The following RWDD4 variants were observed in gnomAD, a reference collection of about 807,000 sequenced individuals.
The protein encoded by RWDD4 is RWD domain containing 4.
RWDD4 carries 16 observed loss-of-function variants against 30.0 expected under a neutral mutation model. The ratio of observed to expected loss-of-function variants is 0.53; its 90% CI spans 0.36 to 0.81. RWDD4 has a LOEUF of 0.81. Ranked by LOEUF, RWDD4 falls within the 30% of genes least tolerant of loss-of-function variation. RWDD4 has a pLI of 0.00. For missense variants in RWDD4, 170 were observed against 223.9 expected, an observed-to-expected ratio of 0.76 and a Z score of 1.54; for synonymous variants, 45 against 72.1, an observed-to-expected ratio of 0.62 and a Z score of 1.90.
At chr4:183,658,894 C>T (rs1272443641) in intron 1 of RWDD4, 35 bp downstream of exon 1, 5 of 1,243,800 alleles carry the variant, frequency 4.0e-6, no homozygotes, top group Non-Finnish European at 5.0e-6. Context: ...GCGCCGCGCC[C>T]GCGCTGGGAG....
chr4:183,646,179 C>G (rs549845150), intron 7 of RWDD4, among the ~76,000 whole-genome samples, 172 bp downstream of exon 7: 21 of 152,134 alleles, frequency 1.4e-4, no homozygotes, highest in Non-Finnish European at 3.1e-4. Context: ...GCTGGGATTA[C>G]AGGTGTGAGC....
intron 3 of RWDD4, 42 bp from the exon 4 acceptor site, chr4:183,651,173 A>G (rs1561012168): frequency 6.2e-7 from 1 of 1,606,820 alleles, no homozygotes; most frequent in Non-Finnish European, 8.5e-7. Flanking sequence ...AGAAAAGTAT[A>G]ACAGAGAGTG....
intron 7 of RWDD4, among the ~76,000 whole-genome samples, chr4:183,643,074 A>ATAAG (rs1256740839): frequency 0.011 from 1,398 of 126,156 alleles, 40 homozygotes; most frequent in African/African-American, 0.041. Flanking sequence ...AAATAAATAA[A>ATAAG]TAAATAAATA....
In RWDD4 at chr4:183,659,139, G is replaced by A. The variant is rs536622592; in HGVS notation, c.-187C>T. On this transcript the variant is annotated 5_prime_UTR_variant, in exon 1 of 8. Transcript: ENST00000326397. ...CGGCAGCGCCCAGCCGCCGGCAGTG[G>A]GCTGTGGGCTACGAGCCGGAGCCGC... The A allele has an allele frequency of 1.7e-5, 7 of 422,684 alleles. No homozygotes were observed. The East Asian group carries it at 1.8e-4, about 11-fold the overall frequency. 26.2% of individuals were successfully genotyped at this position (422,684 alleles called of 1,614,324 possible). A position where few individuals can be genotyped will look rare whatever the true frequency, so the allele number is the denominator to read the frequency against.
chr4:183,658,275 C>T (rs1182124396), intron 1 of RWDD4, among the ~76,000 whole-genome samples: 1 of 152,174 alleles, frequency 6.6e-6, no homozygotes, highest in Non-Finnish European at 1.5e-5. Context: ...TGCAGCCCTG[C>T]GGCTATCATC....
At chr4:183,658,299 A>G (rs1007924779) in intron 1 of RWDD4, among the ~76,000 whole-genome samples, 1 of 152,146 alleles carries the variant, frequency 6.6e-6, no homozygotes, top group Admixed American at 6.5e-5. Flanking sequence ...CCACCTATCA[A>G]AGTTAGAAGG....
intron 2 of RWDD4, 148 bp downstream of exon 2, chr4:183,655,733 G>T: frequency 1.9e-6 from 1 of 516,776 alleles, no homozygotes; most frequent in East Asian, 2.8e-5. Context: ...AAAAATGACT[G>T]ATGTTAGGGT....
intron 4 of RWDD4, 150 bp downstream of exon 4, chr4:183,650,834 A>G: frequency 1.5e-6 from 1 of 655,992 alleles, no homozygotes; most frequent in East Asian, 2.9e-5. Context: ...AAGAAATCTG[A>G]AATCCATTGT....
In RWDD4 at chr4:183,651,023, T is replaced by C; in HGVS notation, c.324A>G (p.Lys108=). ...YTLFEYAKDN[K]EQFMENHNPI... ...GATTGTGATTCTCCATGAACTGCTC[T>C]TTATTGTCTTTGGCATATTCAAACA... The change falls in exon 4 of 8, where the codon AAA becomes AAG. Residue 108 remains lysine (K), a synonymous_variant. Transcript: ENST00000326397. The C allele has an allele frequency of 6.2e-7, 1 of 1,612,908 alleles. No individual in the cohort carries two copies. The highest frequency in any genetic ancestry group is 8.5e-7 in the Non-Finnish European group (1 of 1,179,976).
At chr4:183,652,500 G>A (rs1389547483) in intron 2 of RWDD4, among the ~76,000 whole-genome samples, 2 of 119,556 alleles carry the variant, frequency 1.7e-5, no homozygotes, top group East Asian at 4.4e-4. Context: ...TGTGGCAAAA[G>A]TAAAAAAAAA....
chr4:183,655,722 T>C (rs1734180396), intron 2 of RWDD4, among the ~76,000 whole-genome samples, 159 bp downstream of exon 2: 1 of 152,260 alleles, frequency 6.6e-6, no homozygotes, highest in African/African-American at 2.4e-5. Context: ...TTTCAAACGT[T>C]AAAAATGACT....
rs1254824545 is a variant in RWDD4 at position 183,653,104 on chromosome 4, T to TA, written c.106-1778dup. Among the ~76,000 whole-genome samples the TA allele has an allele frequency of 1.1e-4, 17 of 152,266 alleles. 1 individual carries two copies. The East Asian group carries it at 3.1e-3, about 28-fold the overall frequency. On this transcript the variant is annotated intron_variant, in intron 2 of 7. Coordinates refer to ENST00000326397, the MANE Select transcript of RWDD4 (RefSeq NM_152682.4). ...TCCCCAGATCTGAACTGATTCAAAT[T>TA]AAACATTTTTGGTAAGAAAACTACA...
Position 183,659,152 on chromosome 4 carries a change from G to A in RWDD4, c.-200C>T, listed in dbSNP as rs937104778. On this transcript the variant is annotated 5_prime_UTR_variant, in exon 1 of 8. Coordinates refer to ENST00000326397, the MANE Select transcript of RWDD4 (RefSeq NM_152682.4). ...CCGCCGGCAGTGGGCTGTGGGCTAC[G>A]AGCCGGAGCCGCGGCTGGTGGGGCC... is the stretch of plus-strand genomic sequence containing the variant. The A allele has an allele frequency of 2.9e-5, 12 of 408,160 alleles. No individual in the cohort carries two copies. Among genetic ancestry groups the A allele is most frequent in the African/African-American group, 1.6e-4 (8 of 48,658 alleles). 25.3% of individuals were successfully genotyped at this position (408,160 alleles called of 1,614,324 possible). A position where few individuals can be genotyped will look rare whatever the true frequency, so the allele number is the denominator to read the frequency against.
intron 6 of RWDD4, 48 bp from the exon 7 acceptor site, chr4:183,646,401 T>C (rs1192200203): frequency 1.3e-6 from 2 of 1,556,458 alleles, no homozygotes; most frequent in South Asian, 2.3e-5. Flanking sequence ...CCAAAGGTTG[T>C]GAAGGGGAAA....
intron 7 of RWDD4, among the ~76,000 whole-genome samples, chr4:183,641,886 A>C (rs1733863124): frequency 6.6e-6 from 1 of 152,238 alleles, no homozygotes; most frequent in African/African-American, 2.4e-5. Flanking sequence ...CCTAAGATTT[A>C]CCATCTTAAC....
At chr4:183,644,288 A>G (rs776546029) in intron 7 of RWDD4, among the ~76,000 whole-genome samples, 64 of 152,250 alleles carry the variant, frequency 4.2e-4, no homozygotes, top group Non-Finnish European at 8.5e-4. Context: ...AAATGAGAGA[A>G]TGCCGGAGAG....
intron 2 of RWDD4, among the ~76,000 whole-genome samples, chr4:183,655,344 T>C (rs1429289814): frequency 1.3e-5 from 2 of 151,772 alleles, no homozygotes; most frequent in Non-Finnish European, 2.9e-5. Context: ...CGCAGTGGCT[T>C]GATCTCGGCT....
chr4:183,655,158 CTAG>C (rs1734161526), intron 2 of RWDD4, among the ~76,000 whole-genome samples: 1 of 151,942 alleles, frequency 6.6e-6, no homozygotes. Context: ...CCAGGCTGGT[CTAG>C]AACTCCAGAC....
rs201160719 is a variant in RWDD4 at position 183,657,779 on chromosome 4, G to A, written c.24+1150C>T. 2.6e-5 allele frequency among the ~76,000 whole-genome samples: 4 copies of A among 152,204 alleles called. No individual in the cohort carries two copies. In the East Asian group the frequency reaches 7.7e-4, roughly 29 times the overall value. ...AAAAGGAACCACTTCCTCAGAGAAG[G>A]TCTGAGAAACTGGGCAGGAAACTAT... On this transcript the variant is annotated intron_variant, in intron 1 of 7. Coordinates refer to ENST00000326397, the MANE Select transcript of RWDD4 (RefSeq NM_152682.4).
Sources: allele counts gnomAD v4.1 joint callset (sites outside exome capture counted in the v4.1 genomes callset), GRCh38; gene constraint gnomAD v4.1.1; transcripts MANE v1.5; gene names NCBI Gene and HGNC (gene_info 2026-07-23, HGNC 2026-07-21).